MFAP3: variants seen among roughly 807,000 people sequenced by gnomAD.
MFAP3 encodes the protein microfibril-associated glycoprotein 3.
Under a neutral mutation model 20.5 loss-of-function variants are expected in MFAP3, and 8 were observed. That is an observed-to-expected ratio of 0.39 (90% CI 0.23 to 0.70). The LOEUF (loss-of-function observed/expected upper bound fraction) is 0.70. MFAP3 is among the 30% of genes least tolerant of loss of function. MFAP3 has a pLI of 0.44. For missense variants in MFAP3, 398 were observed against 444.6 expected (o/e 0.90, Z 0.94); for synonymous variants, 140 against 154.0 (o/e 0.91, Z 0.67).
Position 154,052,901 on chromosome 5 carries a change from A to T in MFAP3, c.296-19A>T. On this transcript the variant is annotated intron_variant, in intron 2 of 2. Coordinates refer to ENST00000522782, the MANE Select transcript of MFAP3 (RefSeq NM_005927.5). ...ATCTTTTTGCTATAATTTTTTTTTC[A>T]TTTCTGTTCAATTATCAGGTGGAAA... The T allele has an allele frequency of 1.6e-5, 25 of 1,560,478 alleles. No homozygotes were observed. In the Admixed American group the frequency reaches 1.9e-4, roughly 12 times the overall value.
At position 154,056,178 on chromosome 5, in the gene MFAP3, G is replaced by A. The variant is rs1046621; in HGVS notation, c.*2465G>A. Among the ~76,000 whole-genome samples the A allele has an allele frequency of 0.65, 99,027 of 152,030 alleles. 32,625 individuals carry two copies. Among genetic ancestry groups the A allele is most frequent in the East Asian group, 0.88 (4,540 of 5,180 alleles). On this transcript the variant is annotated 3_prime_UTR_variant, in exon 3 of 3. Transcript: ENST00000522782. ...GTTTTTAAAGTCTGTAAGTTTGCAC[G>A]ATACTGTATAGTAACTAAATGCATG...
intron 1 of MFAP3, among the ~76,000 whole-genome samples, chr5:154,039,471 G>C (rs1581856195): frequency 6.6e-6 from 1 of 152,128 alleles, no homozygotes; most frequent in East Asian, 1.9e-4. Context: ...AAAAGACAAA[G>C]GCCACTGGCT....
At chr5:154,041,687 G>C (rs1459580595) in intron 1 of MFAP3, among the ~76,000 whole-genome samples, 2 of 152,190 alleles carry the variant, frequency 1.3e-5, no homozygotes, top group Non-Finnish European at 2.9e-5. Flanking sequence ...GCTCAGATTT[G>C]TGTTTAGGAC....
In MFAP3 at chr5:154,056,483, T is replaced by G. The variant is rs1773336696; in HGVS notation, c.*2770T>G. On this transcript the variant is annotated 3_prime_UTR_variant, in exon 3 of 3. Transcript: ENST00000522782. ...TCAACCTTTTGAACTTCAACTACAG[T>G]CTAAAAGTCTTGATGGTAACTATAG... Among the ~76,000 whole-genome samples the G allele has an allele frequency of 6.6e-6, 1 of 152,216 alleles. No homozygotes were observed. The highest frequency in any genetic ancestry group is 6.5e-5 in the Admixed American group (1 of 15,276).
chr5:154,049,581 T>A lies in MFAP3; in HGVS notation c.-142T>A. 1 of 815,230 alleles carries A rather than the reference T, an allele frequency of 1.2e-6. No individual in the cohort carries two copies. Among genetic ancestry groups the A allele is most frequent in the African/African-American group, 1.7e-5 (1 of 57,492 alleles). The allele number at this position is 815,230 out of a possible 1,614,324, so 50.5% of individuals were successfully genotyped here. A position where few individuals can be genotyped will look rare whatever the true frequency, so the allele number is the denominator to read the frequency against. ...GGTTCTCTACTCACATCTTTTAATC[T>A]TGAAGACTAGAAAATATAACTGGAT... On this transcript the variant is annotated 5_prime_UTR_variant, in exon 2 of 3. It adds an upstream start codon to the 5' untranslated region. Transcript: ENST00000522782.
chr5:154,053,837 A>T lies in MFAP3; in HGVS notation c.*124A>T. ...GGTTTTCCGTTTGTTAATATTAAGCACATCAGAACGTGAATTGCCAAAGTC... is the reference window on the plus strand; with the variant it reads ...GGTTTTCCGTTTGTTAATATTAAGCTCATCAGAACGTGAATTGCCAAAGTC... On this transcript the variant is annotated 3_prime_UTR_variant, in exon 3 of 3. Coordinates refer to ENST00000522782, the MANE Select transcript of MFAP3 (RefSeq NM_005927.5). 1.2e-6 allele frequency: 1 copy of T among 846,506 alleles called. No individual in the cohort carries two copies. The highest frequency in any genetic ancestry group is 1.9e-6 in the Non-Finnish European group (1 of 539,696). 52.4% of individuals were successfully genotyped at this position (846,506 alleles called of 1,614,324 possible).
intron 1 of MFAP3, 130 bp from the exon 2 acceptor site, chr5:154,049,427 T>C (rs1055193194): frequency 1.0e-5 from 3 of 294,402 alleles, no homozygotes; most frequent in Non-Finnish European, 1.3e-5. Flanking sequence ...TTTTAGGTAC[T>C]GTTCCATCTA....
At position 154,054,069 on chromosome 5, in the gene MFAP3, G is replaced by A. The variant is rs867714399; in HGVS notation, c.*356G>A. On this transcript the variant is annotated 3_prime_UTR_variant, in exon 3 of 3. Coordinates refer to ENST00000522782, the MANE Select transcript of MFAP3 (RefSeq NM_005927.5). ...CTTATCTTGGGACTTCAGTTTTTCC[G>A]TCAATAAGATGAGGGATTAGGTGAG... 8 of 204,506 alleles carry A rather than the reference G, an allele frequency of 3.9e-5. No homozygotes were observed. Among genetic ancestry groups the A allele is most frequent in the East Asian group, 1.3e-4 (1 of 7,706 alleles). The allele number at this position is 204,506 out of a possible 1,614,324, so 12.7% of individuals were successfully genotyped here.
In MFAP3 at chr5:154,056,064, C is replaced by T. The variant is rs1773323621; in HGVS notation, c.*2351C>T. Among the ~76,000 whole-genome samples the T allele has an allele frequency of 6.6e-6, 1 of 152,162 alleles. No homozygotes were observed. Among genetic ancestry groups the T allele is most frequent in the Admixed American group, 6.5e-5 (1 of 15,270 alleles). On this transcript the variant is annotated 3_prime_UTR_variant, in exon 3 of 3. Coordinates refer to ENST00000522782, the MANE Select transcript of MFAP3 (RefSeq NM_005927.5). ...AGAATGGTTTTACCCCACATGTTCT[C>T]ATAGGAGACATTATTATTTAGAACC...
rs965711032 is a variant in MFAP3, at chr5:154,055,228, C to T, written c.*1515C>T. Among the ~76,000 whole-genome samples the T allele has an allele frequency of 3.9e-5, 6 of 152,148 alleles. No homozygotes were observed. The highest frequency in any genetic ancestry group is 7.4e-5 in the Non-Finnish European group (5 of 68,018). On this transcript the variant is annotated 3_prime_UTR_variant, in exon 3 of 3. Transcript: ENST00000522782. ...GCTAGAGGCTCCTGAGGGAAATGTT[C>T]AGAGGAGGTTTTATCAGGATTTTAA...
Position 154,053,012 on chromosome 5 carries a change from A to G in MFAP3, c.388A>G (p.Ile130Val), listed in dbSNP as rs747626562. 9.9e-6 allele frequency: 16 copies of G among 1,613,780 alleles called. No individual in the cohort carries two copies. The highest frequency in any genetic ancestry group is 1.3e-5 in the Non-Finnish European group (15 of 1,179,852). Residue 130 changes from isoleucine to valine, a missense_variant, in exon 3 of 3, where the codon ATT becomes GTT. By Grantham distance (29) the Ile-to-Val change is conservative (BLOSUM62 3). Coordinates refer to ENST00000522782, the MANE Select transcript of MFAP3 (RefSeq NM_005927.5). ...GLYTCFVTSP[I>V]RASYSVTLRV... ...CTATACCTGTTTCGTCACCTCTCCA[A>G]TTCGTGCCTCCTACTCTGTCACCCT...
Position 154,053,369 on chromosome 5 carries a change from C to T in MFAP3, c.745C>T (p.Arg249Ter), listed in dbSNP as rs867145937. The T allele has an allele frequency of 2.5e-6, 4 of 1,613,838 alleles. No homozygotes were observed. Among genetic ancestry groups the T allele is most frequent in the Non-Finnish European group, 3.4e-6 (4 of 1,179,944 alleles). Residue 249 changes from arginine to a stop codon, truncating the protein, a stop_gained, in exon 3 of 3, where the codon CGA becomes TGA. Coordinates refer to ENST00000522782, the MANE Select transcript of MFAP3 (RefSeq NM_005927.5). LOFTEE classifies it high-confidence loss of function. ...TCTTCCACCTCTTATTCTAAACTGT[C>T]GAGCCTTTGTTGAGGAGATGTTTGA... ...VPLPPLILNC[R>*]AFVEEMFEAV...
Position 154,056,872 on chromosome 5 carries a change from T to C in MFAP3, c.*3159T>C, listed in dbSNP as rs1479152906. Reference sequence around the variant, plus strand: ...TTATATTTTCTACCAATTACCTTGATAGAAATATCTTAGAAATTGCTGACC... The same window carrying C: ...TTATATTTTCTACCAATTACCTTGACAGAAATATCTTAGAAATTGCTGACC... On this transcript the variant is annotated 3_prime_UTR_variant, in exon 3 of 3. Transcript: ENST00000522782. Among the ~76,000 whole-genome samples the C allele has an allele frequency of 6.6e-6, 1 of 152,230 alleles. No homozygotes were observed. Among genetic ancestry groups the C allele is most frequent in the Non-Finnish European group, 1.5e-5 (1 of 68,042 alleles).
intron 1 of MFAP3, among the ~76,000 whole-genome samples, chr5:154,045,458 G>C (rs1408640528): frequency 6.6e-6 from 1 of 152,106 alleles, no homozygotes; most frequent in South Asian, 2.1e-4. Flanking sequence ...CTGCATAATG[G>C]TGTCCCCTTC....
Position 154,049,931 on chromosome 5 carries a change from C to CT in MFAP3, c.209_210insT (p.Ile71AsnfsTer2). ...ATAGCCAAAGAGGGAACTAGCGTTT[C>CT]AATTGAGTGTCTTCTCACAGCCAGT... On this transcript the variant is annotated frameshift_variant, in exon 2 of 3. Coordinates refer to ENST00000522782, the MANE Select transcript of MFAP3 (RefSeq NM_005927.5). LOFTEE classifies it high-confidence loss of function. The CT allele has an allele frequency of 6.2e-7, 1 of 1,613,612 alleles. No individual in the cohort carries two copies. Among genetic ancestry groups the CT allele is most frequent in the Non-Finnish European group, 8.5e-7 (1 of 1,179,676 alleles).
chr5:154,048,321 A>T (rs1197562918), intron 1 of MFAP3, among the ~76,000 whole-genome samples: 1 of 152,188 alleles, frequency 6.6e-6, no homozygotes, highest in Non-Finnish European at 1.5e-5. Flanking sequence ...TAAATTGTAA[A>T]GATTTAGAAA....
chr5:154,052,634 C>G (rs1238184195), intron 2 of MFAP3, among the ~76,000 whole-genome samples: 1 of 151,958 alleles, frequency 6.6e-6, no homozygotes, highest in Non-Finnish European at 1.5e-5. Context: ...ATAGACATAC[C>G]TGTTTCACAG....
rs749455099 is a variant in MFAP3, at chr5:154,049,678, T to G, written c.-45T>G. On this transcript the variant is annotated 5_prime_UTR_variant, in exon 2 of 3. Transcript: ENST00000522782. ...CTGTGCTTTTGTTGTAGTGTAGAAG[T>G]TTTTGAGTTCTCCAAATCTAAACAA... 7.0e-6 allele frequency: 11 copies of G among 1,570,054 alleles called. No individual in the cohort carries two copies. Among genetic ancestry groups the G allele is most frequent in the Non-Finnish European group, 9.5e-6 (11 of 1,154,756 alleles).
chr5:154,044,981 A>G (rs1330391417), intron 1 of MFAP3, among the ~76,000 whole-genome samples: 10 of 149,566 alleles, frequency 6.7e-5, no homozygotes, highest in Admixed American at 6.6e-4. Context: ...GTAGAATTCT[A>G]TCAGGCACCA....
Sources: gnomAD v4.1 joint callset for allele counts (sites outside exome capture counted in the v4.1 genomes callset) on GRCh38, gnomAD v4.1.1 for gene constraint, MANE v1.5 for transcripts, NCBI Gene and HGNC (gene_info 2026-07-23, HGNC 2026-07-21) for gene names.